GLRA1: variants seen among roughly 807,000 people sequenced by gnomAD.
GLRA1 encodes the protein glycine receptor alpha 1.
In GLRA1, 37 loss-of-function variants were observed where a neutral mutation model predicts 48.3. That is an observed-to-expected ratio of 0.77 (90% CI 0.59 to 1.01). GLRA1 has a LOEUF of 1.01. GLRA1 is among the 50% of genes least tolerant of loss of function. The pLI is 0.00. For missense variants in GLRA1, 427 were observed against 571.0 expected, an observed-to-expected ratio of 0.75 and a Z score of 2.57; for synonymous variants, 196 against 210.7, an observed-to-expected ratio of 0.93 and a Z score of 0.60.
Position 151,892,438 on chromosome 5 carries a change from G to T in GLRA1, c.57C>A (p.Ser19Arg). 6.2e-7 allele frequency: 1 copy of T among 1,613,970 alleles called. No homozygotes were observed. The highest frequency in any genetic ancestry group is 8.5e-7 in the Non-Finnish European group (1 of 1,179,884). Residue 19 changes from serine to arginine, a missense_variant and splice_region_variant, in exon 2 of 9, where the codon AGC becomes AGA. By Grantham distance (110) the Ser-to-Arg change is moderately radical. Around this residue, in one of 4 missense-constraint regions of GLRA1, gnomAD observed 271 missense variants for 434.9 expected, o/e 0.62. Coordinates refer to ENST00000274576, the MANE Select transcript of GLRA1 (RefSeq NM_000171.4). ...CTTCAGCCTCCTTAGAAGCAGCAAG[G>T]CTAAGGAGGAAGAGAGGAGAGCAAA... ...LYLWETIVFF[S>R]LAASKEAEAA...
intron 7 of GLRA1, among the ~76,000 whole-genome samples, chr5:151,830,096 T>TA: frequency 6.6e-6 from 1 of 152,366 alleles, no homozygotes; most frequent in East Asian, 1.9e-4. Context: ...TGTTTTGCCC[T>TA]ATTCCTGTCA....
intron 3 of GLRA1, among the ~76,000 whole-genome samples, chr5:151,880,621 C>G (rs1439873032): frequency 6.6e-6 from 1 of 152,196 alleles, no homozygotes; most frequent in Non-Finnish European, 1.5e-5. Flanking sequence ...CACTCTGTCT[C>G]TCTCTCTCAT....
At chr5:151,873,782 G>A (rs750610682) in intron 3 of GLRA1, among the ~76,000 whole-genome samples, 1 of 151,954 alleles carries the variant, frequency 6.6e-6, no homozygotes, top group Non-Finnish European at 1.5e-5. Context: ...TGCTCTGCTC[G>A]GAACACTCCT....
At chr5:151,900,737 T>A (rs58927363) in intron 1 of GLRA1, among the ~76,000 whole-genome samples, 69 of 152,324 alleles carry the variant, frequency 4.5e-4, no homozygotes, top group Non-Finnish European at 9.3e-4. Flanking sequence ...ACAGTCCTGG[T>A]CTTTTCTGTT....
Position 151,851,566 on chromosome 5 carries a change from G to A in GLRA1, c.736C>T (p.Arg246Trp), listed in dbSNP as rs751659671. 1.1e-5 allele frequency: 17 copies of A among 1,613,860 alleles called. No individual in the cohort carries two copies. The highest frequency in any genetic ancestry group is 1.7e-5 in the Admixed American group (1 of 60,020). ...TCIEARFHLE[R>W]QMGYYLIQMY... is the part of the protein sequence containing the mutation. ...TGAATCAGGTAGTAACCCATCTGCC[G>A]CTCCAGGTGGAACCGGGCCTCAATG... is the stretch of plus-strand genomic sequence containing the variant. The change falls in exon 7 of 9, where the codon CGG becomes TGG. Residue 246 changes from arginine (R) to tryptophan (W), a missense_variant. By Grantham distance (101) the Arg-to-Trp change is moderately radical. Transcript: ENST00000274576.
At chr5:151,890,222 A>G (rs545023822) in intron 2 of GLRA1, among the ~76,000 whole-genome samples, 7 of 149,930 alleles carry the variant, frequency 4.7e-5, no homozygotes, top group South Asian at 2.2e-4. Flanking sequence ...AAGCCCTAGC[A>G]TATTTGTGGG....
intron 3 of GLRA1, among the ~76,000 whole-genome samples, chr5:151,868,748 A>C (rs1189697579): frequency 1.3e-5 from 2 of 152,134 alleles, no homozygotes; most frequent in African/African-American, 4.8e-5. Context: ...TAGATTTAGC[A>C]GTCTGCTAGT....
At chr5:151,883,575 C>T (rs1753819895) in intron 3 of GLRA1, among the ~76,000 whole-genome samples, 1 of 152,234 alleles carries the variant, frequency 6.6e-6, no homozygotes, top group Non-Finnish European at 1.5e-5. Context: ...TGTAAGACTA[C>T]ACACGTGGTG....
At position 151,828,912 on chromosome 5, in the gene GLRA1, A is replaced by G. The variant is rs1561545883; in HGVS notation, c.1059+9T>C. ...CTGTCCCTCCTTAGGCAGTGACCCA[A>G]AGGCCTACCTTGTGATGTCTCCGCT... On this transcript the variant is annotated intron_variant, in intron 8 of 8. Transcript: ENST00000274576. 1 of 1,613,530 alleles carries G rather than the reference A, an allele frequency of 6.2e-7. No individual in the cohort carries two copies. The highest frequency in any genetic ancestry group is 1.7e-5 in the Admixed American group (1 of 60,016).
intron 7 of GLRA1, among the ~76,000 whole-genome samples, chr5:151,848,578 C>T (rs779068053): frequency 4.6e-5 from 7 of 152,304 alleles, no homozygotes; most frequent in Admixed American, 1.3e-4. Context: ...ACAGCACACA[C>T]GTGTCTGCAT....
intron 1 of GLRA1, among the ~76,000 whole-genome samples, chr5:151,914,850 C>T (rs1398543835): frequency 1.3e-5 from 2 of 152,152 alleles, no homozygotes; most frequent in African/African-American, 2.4e-5. Context: ...TTTTAACTAT[C>T]CAGAACCACC....
At chr5:151,864,822 C>G (rs1753290587) in intron 3 of GLRA1, among the ~76,000 whole-genome samples, 1 of 152,110 alleles carries the variant, frequency 6.6e-6, no homozygotes, top group Non-Finnish European at 1.5e-5. Context: ...ACCATCTCAC[C>G]TAGTCACTCA....
intron 3 of GLRA1, among the ~76,000 whole-genome samples, chr5:151,873,057 T>C (rs145077031): frequency 6.7e-6 from 1 of 149,846 alleles, no homozygotes; most frequent in Non-Finnish European, 1.5e-5. Context: ...TCATTCTCTT[T>C]TTCTTTTTTA....
chr5:151,850,547 G>C, intron 7 of GLRA1: 1 of 1,141,824 alleles, frequency 8.8e-7, no homozygotes, highest in Non-Finnish European at 1.3e-6. Context: ...TGATCCCAAG[G>C]GAGGCCTGGA....
intron 7 of GLRA1, chr5:151,850,335 G>A: frequency 6.5e-7 from 1 of 1,529,072 alleles, no homozygotes. Flanking sequence ...TTTCTGGGTG[G>A]GCTGTTTCAT....
intron 1 of GLRA1, among the ~76,000 whole-genome samples, chr5:151,911,782 GT>G (rs1034383037): frequency 1.3e-5 from 2 of 151,416 alleles, no homozygotes; most frequent in African/African-American, 4.9e-5. Flanking sequence ...ATTTTTTTTT[GT>G]GTTTTTAGTA....
At chr5:151,921,018 A>G (rs546791935) in intron 1 of GLRA1, among the ~76,000 whole-genome samples, 1 of 152,306 alleles carries the variant, frequency 6.6e-6, no homozygotes, top group African/African-American at 2.4e-5. Context: ...GGATAGAAAC[A>G]TCTTCCCTTC....
intron 1 of GLRA1, among the ~76,000 whole-genome samples, chr5:151,900,398 C>A (rs1754335320): frequency 6.6e-6 from 1 of 152,228 alleles, no homozygotes; most frequent in South Asian, 2.1e-4. Context: ...CCTCTTACAG[C>A]ATCCTGCTTT....
chr5:151,827,029 G>GTTTTTTTTTTTTTTTTTTTTTTTT (rs199505206), intron 8 of GLRA1, among the ~76,000 whole-genome samples: 1 of 126,802 alleles, frequency 7.9e-6, no homozygotes, highest in African/African-American at 2.9e-5. Context: ...CTTTCTTTCT[G>GTTTTTTTTTTTTTTTTTTTTTTTT]TTTTTTTTTT....
Sources: allele counts gnomAD v4.1 joint callset (sites outside exome capture counted in the v4.1 genomes callset), GRCh38; gene constraint gnomAD v4.1.1; regional missense constraint gnomAD v4.1.1; transcripts MANE v1.5; gene names NCBI Gene and HGNC (gene_info 2026-07-23, HGNC 2026-07-21).